The following NR3C1 variants were observed in gnomAD, a reference collection of about 807,000 sequenced individuals.
NR3C1 encodes the protein nuclear receptor subfamily 3 group C member 1.
In NR3C1, 14 loss-of-function variants were observed where a neutral mutation model predicts 74.0. The observed-to-expected ratio is 0.19, with a 90% CI of 0.12 to 0.30. NR3C1 has a LOEUF of 0.30. Ranked by LOEUF, NR3C1 falls within the 10% of genes least tolerant of loss-of-function variation. NR3C1 has a pLI of 1.00. For missense variants in NR3C1, 695 were observed against 909.8 expected (o/e 0.76, Z 3.04); for synonymous variants, 308 against 332.5 (o/e 0.93, Z 0.80).
intron 2 of NR3C1, among the ~76,000 whole-genome samples, chr5:143,358,384 GATCATGA>G (rs1259243871): frequency 6.6e-6 from 1 of 152,114 alleles, no homozygotes; most frequent in Non-Finnish European, 1.5e-5. Flanking sequence ...TGTTCATTTT[GATCATGA>G]ATCATGAATA....
At chr5:143,405,067 G>A, upstream of NR3C1, 2 of 960,364 alleles carry the variant, frequency 2.1e-6, no homozygotes, top group Non-Finnish European at 2.5e-6. Context: ...AGGGGTGCCC[G>A]TGCGGGAAGC....
At chr5:143,423,219 C>A (rs1751329131) in intron 1 of NR3C1, among the ~76,000 whole-genome samples, 1 of 152,154 alleles carries the variant, frequency 6.6e-6, no homozygotes, top group Admixed American at 6.6e-5. Flanking sequence ...AATAAAATAT[C>A]TGGAAGCTAC....
At chr5:143,321,703 G>A (rs777368396) in intron 2 of NR3C1, among the ~76,000 whole-genome samples, 51 of 152,142 alleles carry the variant, frequency 3.4e-4, no homozygotes, top group Admixed American at 2.0e-3. Context: ...TCACTACAGG[G>A]ATCCTGGATT....
At chr5:143,301,447 G>A (rs774734506) in intron 4 of NR3C1, among the ~76,000 whole-genome samples, 10 of 152,056 alleles carry the variant, frequency 6.6e-5, no homozygotes, top group Admixed American at 1.3e-4. Flanking sequence ...AATTATAAGT[G>A]GGAAATTTCC....
Position 143,310,135 on chromosome 5 carries a change from C to T in NR3C1, c.1430G>A (p.Arg477His), listed in dbSNP as rs104893913. Residue 477 changes from arginine (R) to histidine (H), a missense_variant, in exon 4 of 9, where the codon CGC (arginine) becomes CAC (histidine). By Grantham distance (29) the Arg-to-His change is conservative. Coordinates refer to ENST00000394464, the MANE Select transcript of NR3C1 (RefSeq NM_000176.3). ...KIRRKNCPAC[R>H]YRKCLQAGMN... The stretch of plus-strand genomic sequence containing the variant: ...TCCAGCCTGAAGACATTTTCGATAG[C>T]GGCATGCTGGGCAGTTTTTTCTTCG... 2 of 1,613,930 alleles carry T rather than the reference C, an allele frequency of 1.2e-6. No homozygotes were observed. The highest frequency in any genetic ancestry group is 8.5e-7 in the Non-Finnish European group (1 of 1,179,870).
At chr5:143,296,246 C>A (rs949463027) in intron 6 of NR3C1, among the ~76,000 whole-genome samples, 2 of 151,864 alleles carry the variant, frequency 1.3e-5, no homozygotes, top group Non-Finnish European at 2.9e-5. Context: ...TGAAACTGGG[C>A]CCAGTTCACA....
Position 143,300,384 on chromosome 5 carries a change from C to A in NR3C1, c.1747+101G>T. The A allele has an allele frequency of 1.4e-6, 2 of 1,436,224 alleles. No individual in the cohort carries two copies. The highest frequency in any genetic ancestry group is 9.8e-7 in the Non-Finnish European group (1 of 1,024,478). 89.0% of individuals were successfully genotyped at this position (1,436,224 alleles called of 1,614,324 possible). A position where few individuals can be genotyped will look rare whatever the true frequency, so the allele number is the denominator to read the frequency against. On this transcript the variant is annotated intron_variant, in intron 5 of 8. Transcript: ENST00000394464. This position sits in a 1 kb window ranked among gnomAD's most constrained non-coding sequence, Gnocchi z 5.2. ...TCATAGTCCCCAGAACTAAGAGAAACAAGATAAGCCATGGGCTCACGATGA... is the reference window on the plus strand; with the variant it reads ...TCATAGTCCCCAGAACTAAGAGAAAAAAGATAAGCCATGGGCTCACGATGA...
chr5:143,383,271 C>T (rs557173719), intron 2 of NR3C1, among the ~76,000 whole-genome samples: 1 of 152,302 alleles, frequency 6.6e-6, no homozygotes, highest in African/African-American at 2.4e-5. Flanking sequence ...TTACTAGATT[C>T]TTACAGTTCC....
intron 2 of NR3C1, among the ~76,000 whole-genome samples, chr5:143,333,902 A>G (rs1826545766): frequency 6.6e-6 from 1 of 152,246 alleles, no homozygotes; most frequent in Admixed American, 6.5e-5. Flanking sequence ...TTTGCTGAAG[A>G]AATCTTAACT....
intron 2 of NR3C1, among the ~76,000 whole-genome samples, chr5:143,371,045 G>A (rs1276120032): frequency 6.6e-6 from 1 of 152,148 alleles, no homozygotes; most frequent in African/African-American, 2.4e-5. Flanking sequence ...TATACTAAAT[G>A]TTTTCTATGT....
rs1425930753 is a variant in NR3C1, at chr5:143,289,601, G to A, written c.2023+5859C>T. 2.6e-5 allele frequency among the ~76,000 whole-genome samples: 4 copies of A among 152,230 alleles called. No individual in the cohort carries two copies. The East Asian group carries it at 7.7e-4, about 29-fold the overall frequency. On this transcript the variant is annotated intron_variant, in intron 7 of 8. Transcript: ENST00000394464. ...ACATTTTTTTAAGAAAACTGTAAAT[G>A]TAATCCACTTAAAGAAAACATGCAA...
intron 2 of NR3C1, among the ~76,000 whole-genome samples, chr5:143,369,619 T>C (rs1297288767): frequency 6.6e-6 from 1 of 152,230 alleles, no homozygotes; most frequent in African/African-American, 2.4e-5. Context: ...TATATGATTC[T>C]ATTTATACGA....
intron 2 of NR3C1, among the ~76,000 whole-genome samples, chr5:143,388,596 T>G (rs570686080): frequency 6.6e-4 from 101 of 152,320 alleles, no homozygotes; most frequent in Admixed American, 1.4e-3. Flanking sequence ...AAGGAAAGAC[T>G]GTGAAAGATT....
chr5:143,429,091 A>C (rs942927232), intron 1 of NR3C1, among the ~76,000 whole-genome samples: 1 of 152,228 alleles, frequency 6.6e-6, no homozygotes, highest in Admixed American at 6.5e-5. Flanking sequence ...GTCTAAATTC[A>C]CTGCTTAATA....
intron 2 of NR3C1, among the ~76,000 whole-genome samples, chr5:143,339,725 G>A (rs1266212683): frequency 6.6e-6 from 1 of 152,138 alleles, no homozygotes; most frequent in East Asian, 1.9e-4. Flanking sequence ...GCTGAGGGTT[G>A]GTGGGGCTCC....
intron 1 of NR3C1, among the ~76,000 whole-genome samples, chr5:143,422,804 G>A (rs927856097): frequency 3.3e-5 from 5 of 152,164 alleles, no homozygotes; most frequent in African/African-American, 1.2e-4. Context: ...TGAACAAACT[G>A]AAAGTAAGAG....
chr5:143,363,801 A>G (rs1292887618), intron 2 of NR3C1, among the ~76,000 whole-genome samples: 1 of 152,170 alleles, frequency 6.6e-6, no homozygotes, highest in Non-Finnish European at 1.5e-5. Context: ...CTTGGAGAAG[A>G]GAAAATCCAT....
Position 143,399,994 on chromosome 5 carries a change from ATCT to A in NR3C1, c.843_845del (p.Glu281del). On this transcript the variant is annotated inframe_deletion, in exon 2 of 9. Transcript: ENST00000394464. Reference sequence around the variant, plus strand: ...CCCCAGGGGTGCAGAGTTCGATGAAATCTTCTTTTTCTGTTTTCACTTGGGGCA... The same window carrying A: ...CCCCAGGGGTGCAGAGTTCGATGAAATCTTTTTCTGTTTTCACTTGGGGCA... 1 of 1,614,138 alleles carries A rather than the reference ATCT, an allele frequency of 6.2e-7. No individual in the cohort carries two copies. Among genetic ancestry groups the A allele is most frequent in the Non-Finnish European group, 8.5e-7 (1 of 1,180,038 alleles).
chr5:143,415,425 A>T (rs573157460), intron 1 of NR3C1, among the ~76,000 whole-genome samples: 1 of 152,280 alleles, frequency 6.6e-6, no homozygotes, highest in African/African-American at 2.4e-5. Context: ...ATGAGTTCTG[A>T]TGTTCTGCAG....
Sources: allele counts gnomAD v4.1 joint callset (sites outside exome capture counted in the v4.1 genomes callset), GRCh38; gene constraint gnomAD v4.1.1; non-coding constraint Gnocchi (gnomAD v3.1); transcripts MANE v1.5; gene names NCBI Gene and HGNC (gene_info 2026-07-23, HGNC 2026-07-21).